The following KATNAL2 variants were observed in gnomAD, a reference collection of about 807,000 sequenced individuals.
KATNAL2 encodes katanin catalytic subunit A1 like 2.
Under a neutral mutation model 76.3 loss-of-function variants are expected in KATNAL2, and 52 were observed. The observed-to-expected ratio is 0.68, with a 90% CI of 0.55 to 0.86. KATNAL2 has a LOEUF of 0.86. Ranked by LOEUF, KATNAL2 falls within the 40% of genes least tolerant of loss-of-function variation. The probability of loss-of-function intolerance (pLI) is 0.00; values close to 1 mark genes in which losing one functional copy is unlikely to be tolerated. For missense variants in KATNAL2, 660 were observed against 668.9 expected, an observed-to-expected ratio of 0.99 and a Z score of 0.15; for synonymous variants, 243 against 244.2, an observed-to-expected ratio of 1.00 and a Z score of 0.05.
rs3744864 is a variant in KATNAL2, at chr18:47,033,966, G to T, written c.52-12491G>T. ...GCAGCCTCTCTGACTGGCTTTCCTGGACAGGAGGCAATTTCTTAGCCGAAT... is the reference window on the plus strand; with the variant it reads ...GCAGCCTCTCTGACTGGCTTTCCTGTACAGGAGGCAATTTCTTAGCCGAAT... On this transcript the variant is annotated intron_variant, in intron 3 of 17. Coordinates refer to ENST00000683218, the MANE Select transcript of KATNAL2 (RefSeq NM_001387690.1). The T allele has an allele frequency of 9.6e-3, 15,462 of 1,613,316 alleles. 106 individuals are homozygous for T. Among genetic ancestry groups the T allele is most frequent in the Admixed American group, 0.027 (1,629 of 60,034 alleles).
chr18:46,952,739 C>T (rs1460262721), intron 3 of KATNAL2, among the ~76,000 whole-genome samples: 1 of 151,874 alleles, frequency 6.6e-6, no homozygotes, highest in East Asian at 1.9e-4. Context: ...TCCTTTTTCA[C>T]TGTATCCTGT....
chr18:46,949,248 T>C (rs1440083191), intron 3 of KATNAL2, among the ~76,000 whole-genome samples: 1 of 151,880 alleles, frequency 6.6e-6, no homozygotes, highest in Non-Finnish European at 1.5e-5. Context: ...CTTTTCCTTT[T>C]CTCCTTCTCC....
Position 47,075,269 on chromosome 18 carries a change from C to T in KATNAL2, c.1009-8C>T, listed in dbSNP as rs1169498973. 1 of 1,540,222 alleles carries T rather than the reference C, an allele frequency of 6.5e-7. No homozygotes were observed. The highest frequency in any genetic ancestry group is 1.4e-5 in the African/African-American group (1 of 70,124). Reference sequence around the variant, plus strand: ...GCTTGAACACTTGCTTGCTTTTCCCCCACCCAGGTGTTATTTGAGCTTGCC... The same window carrying T: ...GCTTGAACACTTGCTTGCTTTTCCCTCACCCAGGTGTTATTTGAGCTTGCC... On this transcript the variant is annotated splice_region_variant and splice_polypyrimidine_tract_variant and intron_variant, in intron 13 of 17. Transcript: ENST00000683218.
chr18:46,949,075 A>G lies in KATNAL2; in HGVS notation c.51+2152A>G, dbSNP rs141086937. 2.5e-3 allele frequency among the ~76,000 whole-genome samples: 382 copies of G among 151,394 alleles called. 2 individuals carry two copies. Among genetic ancestry groups the G allele is most frequent in the African/African-American group, 8.8e-3 (364 of 41,240 alleles). On this transcript the variant is annotated intron_variant, in intron 3 of 17. Transcript: ENST00000683218. ...CCATGCCCGGCTAATTTTTCTGTAT[A>G]TTTAGTAGAAATGGGTTTTGCCATG...
intron 3 of KATNAL2, among the ~76,000 whole-genome samples, chr18:47,041,470 T>C (rs1343515003): frequency 6.6e-6 from 1 of 152,222 alleles, no homozygotes; most frequent in Non-Finnish European, 1.5e-5. Context: ...GGCTTTTCAA[T>C]TGGCTTCTTC....
chr18:47,090,813 G>A (rs2062969759), intron 15 of KATNAL2, among the ~76,000 whole-genome samples: 1 of 152,146 alleles, frequency 6.6e-6, no homozygotes, highest in South Asian at 2.1e-4. Flanking sequence ...GACCAGTTTG[G>A]CCCAAGTGGG....
chr18:47,048,920 C>T (rs963772659), intron 4 of KATNAL2, among the ~76,000 whole-genome samples: 1 of 148,938 alleles, frequency 6.7e-6, no homozygotes, highest in African/African-American at 2.5e-5. Flanking sequence ...CTGCAAGCTC[C>T]GCCTCCTGGG....
At chr18:47,070,981 G>A (rs2061977338) in intron 13 of KATNAL2, among the ~76,000 whole-genome samples, 1 of 152,162 alleles carries the variant, frequency 6.6e-6, no homozygotes, top group Admixed American at 6.5e-5. Flanking sequence ...TGGAGGTTCA[G>A]TTACGGTTGG....
intron 3 of KATNAL2, among the ~76,000 whole-genome samples, chr18:46,950,777 T>C (rs2059528960): frequency 6.7e-6 from 1 of 149,872 alleles, no homozygotes; most frequent in African/African-American, 2.5e-5. Context: ...CTCCACCTCC[T>C]GGGTTCAAGC....
chr18:47,077,559 T>C (rs1048244641), intron 15 of KATNAL2, 98 bp downstream of exon 15: 1 of 798,094 alleles, frequency 1.3e-6, no homozygotes, highest in Admixed American at 2.0e-5. Flanking sequence ...GCTGTGTTGT[T>C]TGGCTGCAGC....
At chr18:47,093,385 TTC>T (rs1301216535) in intron 15 of KATNAL2, among the ~76,000 whole-genome samples, 1 of 151,586 alleles carries the variant, frequency 6.6e-6, no homozygotes, top group Non-Finnish European at 1.5e-5. Context: ...ATATCCTCCC[TTC>T]TGTTTTCTCT....
intron 6 of KATNAL2, among the ~76,000 whole-genome samples, chr18:47,054,913 G>C (rs6507718): frequency 0.46 from 70,073 of 152,172 alleles, 16,106 homozygotes; most frequent in Admixed American, 0.54. Context: ...TGTGAGCTCA[G>C]GCTTCTGGCT....
rs1300016583 is a variant in KATNAL2, at chr18:47,099,405, G to A, written c.1374G>A (p.Gln458=). Reference sequence around the variant, plus strand: ...AGCTGGAGTACAGTGTGCTGAGCCAGGTCAGCTGCCCTGGAGAGGGGCACA... The same window carrying A: ...AGCTGGAGTACAGTGTGCTGAGCCAAGTCAGCTGCCCTGGAGAGGGGCACA... ...HTELEYSVLS[Q]ETEGYSGSDI... is the part of the protein sequence containing the mutation. Residue 458 remains glutamine, a splice_region_variant and synonymous_variant, in exon 16 of 18, where the codon CAG becomes CAA. Coordinates refer to ENST00000683218, the MANE Select transcript of KATNAL2 (RefSeq NM_001387690.1). 1 of 1,608,320 alleles carries A rather than the reference G, an allele frequency of 6.2e-7. No individual in the cohort carries two copies.
chr18:46,939,016 C>T (rs923316469), intron 1 of KATNAL2, among the ~76,000 whole-genome samples: 1 of 152,112 alleles, frequency 6.6e-6, no homozygotes. Context: ...GATTGACTCA[C>T]GTCAAGTATG....
intron 3 of KATNAL2, among the ~76,000 whole-genome samples, chr18:46,949,199 C>A (rs576302515): frequency 3.6e-4 from 55 of 152,124 alleles, no homozygotes; most frequent in African/African-American, 1.3e-3. Context: ...TGCCTTGCAT[C>A]TTAACTTGTT....
chr18:47,045,328 T>C (rs2061120252), intron 3 of KATNAL2, among the ~76,000 whole-genome samples: 2 of 105,934 alleles, frequency 1.9e-5, no homozygotes, highest in African/African-American at 8.8e-5. Context: ...TCTTTTCTTT[T>C]CTTTTTTTTT....
At chr18:47,086,022 G>A (rs932428318) in intron 15 of KATNAL2, among the ~76,000 whole-genome samples, 2 of 152,070 alleles carry the variant, frequency 1.3e-5, no homozygotes, top group African/African-American at 2.4e-5. Flanking sequence ...GAGCCCAGGA[G>A]TTTGAGGCTA....
At chr18:46,919,585 GT>G (rs1172083073) in intron 1 of KATNAL2, among the ~76,000 whole-genome samples, 2 of 152,140 alleles carry the variant, frequency 1.3e-5, no homozygotes, top group Non-Finnish European at 2.9e-5. Flanking sequence ...GGAGGTGGAG[GT>G]TGCAGTGAGC....
intron 3 of KATNAL2, chr18:47,035,484 T>G: frequency 1.6e-5 from 15 of 918,820 alleles, no homozygotes; most frequent in East Asian, 2.7e-5. Flanking sequence ...CCCGCTTTTG[T>G]TCCTCGGGAT....
Sources: allele counts gnomAD v4.1 joint callset (sites outside exome capture counted in the v4.1 genomes callset), GRCh38; gene constraint gnomAD v4.1.1; transcripts MANE v1.5; gene names NCBI Gene and HGNC (gene_info 2026-07-23, HGNC 2026-07-21).